PKHD1: variants seen among roughly 807,000 people sequenced by gnomAD.
The protein encoded by PKHD1 is fibrocystin.
Under a neutral mutation model 412.0 loss-of-function variants are expected in PKHD1, and 291 were observed. The ratio of observed to expected loss-of-function variants is 0.71; its 90% CI spans 0.64 to 0.78. The LOEUF is 0.78. Among genes scored for constraint, PKHD1 ranks in the 30% least tolerant of loss-of-function variants. The probability of loss-of-function intolerance (pLI) is 0.00; values close to 1 mark genes in which losing one functional copy is unlikely to be tolerated. For missense variants in PKHD1, 4,825 were observed against 4,950.7 expected, an observed-to-expected ratio of 0.97 and a Z score of 0.76; for synonymous variants, 1,777 against 1,821.5, an observed-to-expected ratio of 0.98 and a Z score of 0.62.
intron 29 of PKHD1, among the ~76,000 whole-genome samples, chr6:52,032,446 T>A (rs1319827022): frequency 2.0e-5 from 3 of 152,210 alleles, no homozygotes; most frequent in Non-Finnish European, 4.4e-5. Context: ...ATCCATTATT[T>A]TTATACGTAG....
chr6:51,796,816 G>GTTT (rs1304967667), intron 52 of PKHD1, among the ~76,000 whole-genome samples: 29 of 98,888 alleles, frequency 2.9e-4, no homozygotes, highest in Non-Finnish European at 3.9e-4. Flanking sequence ...GTTTTGAATA[G>GTTT]ATTTTTTTTT....
intron 34 of PKHD1, among the ~76,000 whole-genome samples, chr6:52,011,124 G>A (rs768674485): frequency 7.2e-5 from 11 of 152,168 alleles, no homozygotes; most frequent in Admixed American, 1.3e-4. Context: ...CCAGCCACTC[G>A]CTTTAAAAGT....
chr6:52,056,359 G>A (rs1807724599), intron 18 of PKHD1, among the ~76,000 whole-genome samples: 1 of 152,116 alleles, frequency 6.6e-6, no homozygotes, highest in South Asian at 2.1e-4. Context: ...TCCTTTAGAT[G>A]TAATCTGAAG....
intron 50 of PKHD1, 36 bp downstream of exon 50, chr6:51,847,739 T>C: frequency 7.1e-7 from 1 of 1,408,480 alleles, no homozygotes; most frequent in Non-Finnish European, 1.0e-6. Flanking sequence ...TTTCTGACTA[T>C]GTGCTCTCAA....
In PKHD1 at chr6:52,025,292, A is replaced by C; in HGVS notation, c.4518T>G (p.Gly1506=). 1 of 1,613,832 alleles carries C rather than the reference A, an allele frequency of 6.2e-7. No individual in the cohort carries two copies. Among genetic ancestry groups the C allele is most frequent in the Non-Finnish European group, 8.5e-7 (1 of 1,179,968 alleles). ...SGSLTTVLIR[G]QRLATTADEP... The stretch of plus-strand genomic sequence containing the variant: ...CATCAGCTGTGGTGGCTAACCTCTG[A>C]CCCCTAATCAGCACAGTGGTCAGAG... Residue 1506 remains glycine, a synonymous_variant, in exon 32 of 67, where the codon GGT becomes GGG. Transcript: ENST00000371117.
intron 1 of PKHD1, among the ~76,000 whole-genome samples, chr6:52,086,093 T>C (rs181172249): frequency 1.4e-5 from 2 of 145,988 alleles, no homozygotes; most frequent in Admixed American, 6.8e-5. Flanking sequence ...CACACACACA[T>C]ACACACACAC....
chr6:51,706,571 A>G (rs1220195595), intron 60 of PKHD1, among the ~76,000 whole-genome samples: 2 of 151,958 alleles, frequency 1.3e-5, no homozygotes, highest in African/African-American at 2.4e-5. Context: ...CAAGTGGAAG[A>G]GGGGTCAGTA....
At position 51,791,382 on chromosome 6, in the gene PKHD1, G is replaced by A; in HGVS notation, c.8303-9C>T. On this transcript the variant is annotated splice_polypyrimidine_tract_variant and intron_variant, in intron 52 of 66. Coordinates refer to ENST00000371117, the MANE Select transcript of PKHD1 (RefSeq NM_138694.4). The stretch of plus-strand genomic sequence containing the variant: ...CACAAGGACAGTTCTGTCTGTGGAA[G>A]AAAAAGAAATTGCTCAGATATGTCA... 1 of 1,613,074 alleles carries A rather than the reference G, an allele frequency of 6.2e-7. No individual in the cohort carries two copies. The highest frequency in any genetic ancestry group is 1.1e-5 in the South Asian group (1 of 91,066).
chr6:52,035,732 A>C lies in PKHD1; in HGVS notation c.3098-11T>G. 1 of 1,613,682 alleles carries C rather than the reference A, an allele frequency of 6.2e-7. No individual in the cohort carries two copies. The highest frequency in any genetic ancestry group is 8.5e-7 in the Non-Finnish European group (1 of 1,179,616). Reference sequence around the variant, plus strand: ...TGGCCCAGAGCCCTCCTGTAACAAAAACAGCATATTCAAATGGGATCACCA... The same window carrying C: ...TGGCCCAGAGCCCTCCTGTAACAAACACAGCATATTCAAATGGGATCACCA... On this transcript the variant is annotated splice_polypyrimidine_tract_variant and intron_variant, in intron 27 of 66. Coordinates refer to ENST00000371117, the MANE Select transcript of PKHD1 (RefSeq NM_138694.4).
At chr6:52,057,026 C>T in intron 16 of PKHD1, 47 bp from the exon 17 acceptor site, 1 of 1,224,648 alleles carries the variant, frequency 8.2e-7, no homozygotes, top group Non-Finnish European at 1.2e-6. Context: ...GCTAATTAAG[C>T]CAGAGAGACA....
intron 2 of PKHD1, among the ~76,000 whole-genome samples, chr6:52,083,885 A>G (rs1358504856): frequency 1.3e-5 from 2 of 152,096 alleles, no homozygotes; most frequent in Non-Finnish European, 2.9e-5. Flanking sequence ...TGACTTCCCA[A>G]ATGAATACAA....
At position 51,652,879 on chromosome 6, in the gene PKHD1, A is replaced by G. The variant is rs1010986502; in HGVS notation, c.11175-3659T>C. On this transcript the variant is annotated intron_variant, in intron 61 of 66. Transcript: ENST00000371117. ...AGGCGTGAGCCACCGCGCCCGGCCT[A>G]TCTCTCTTGTTTTAAATAGGCTAGA... Among the ~76,000 whole-genome samples the G allele has an allele frequency of 1.3e-5, 2 of 151,614 alleles. 1 individual carries two copies.
intron 59 of PKHD1, among the ~76,000 whole-genome samples, chr6:51,745,901 G>A (rs547113417): frequency 6.6e-6 from 1 of 152,138 alleles, no homozygotes; most frequent in South Asian, 2.1e-4. Flanking sequence ...TCATGTTTAG[G>A]TACCTAATCA....
intron 1 of PKHD1, 124 bp downstream of exon 1, chr6:52,087,310 G>A (rs768831184): frequency 2.0e-5 from 3 of 151,910 alleles, no homozygotes; most frequent in Admixed American, 6.6e-5. Context: ...TTGGGACATC[G>A]AGGGACAAAG....
chr6:51,806,127 G>A (rs1763739759), intron 52 of PKHD1, among the ~76,000 whole-genome samples: 2 of 151,994 alleles, frequency 1.3e-5, no homozygotes, highest in South Asian at 4.2e-4. Context: ...AATGTTAAAT[G>A]ACGAGTTAAT....
chr6:51,812,097 A>C (rs1479724397), intron 52 of PKHD1, among the ~76,000 whole-genome samples: 1 of 152,186 alleles, frequency 6.6e-6, no homozygotes, highest in Non-Finnish European at 1.5e-5. Flanking sequence ...GGAATGAGAC[A>C]CACCTGGATT....
intron 55 of PKHD1, among the ~76,000 whole-genome samples, chr6:51,756,236 A>G (rs576877174): frequency 1.3e-5 from 2 of 152,290 alleles, no homozygotes; most frequent in South Asian, 4.1e-4. Flanking sequence ...ATGACTTCCT[A>G]GAAAACTCCC....
At chr6:51,835,377 A>G (rs1769021287) in intron 51 of PKHD1, among the ~76,000 whole-genome samples, 1 of 152,212 alleles carries the variant, frequency 6.6e-6, no homozygotes, top group Non-Finnish European at 1.5e-5. Context: ...AGAAACTTTC[A>G]AAGAAGAGAA....
chr6:51,715,904 G>A (rs549767994), intron 60 of PKHD1, among the ~76,000 whole-genome samples: 1 of 152,312 alleles, frequency 6.6e-6, no homozygotes, highest in South Asian at 2.1e-4. Flanking sequence ...GGACAGGGAA[G>A]GAAATTCAAA....
Sources: allele counts gnomAD v4.1 joint callset (sites outside exome capture counted in the v4.1 genomes callset), GRCh38; gene constraint gnomAD v4.1.1; transcripts MANE v1.5; gene names NCBI Gene and HGNC (gene_info 2026-07-23, HGNC 2026-07-21).